The following ATP10B variants were observed in gnomAD, a reference collection of about 807,000 sequenced individuals.
ATP10B encodes phospholipid-transporting ATPase VB.
A neutral mutation model predicts 141.2 loss-of-function variants in ATP10B; 122 were observed. The ratio of observed to expected loss-of-function variants is 0.86; its 90% confidence interval spans 0.75 to 1.00. ATP10B has a LOEUF of 1.00. Ranked by LOEUF, ATP10B falls within the 50% of genes least tolerant of loss-of-function variation. The probability of loss-of-function intolerance (pLI) is 0.00; values close to 1 mark genes in which losing one functional copy is unlikely to be tolerated. For synonymous variants in ATP10B, 685 were observed against 692.0 expected, an observed-to-expected ratio of 0.99 and a Z score of 0.16; for missense variants, 1,876 against 1,825.3, an observed-to-expected ratio of 1.03 and a Z score of -0.51.
chr5:160,804,158 G>C (rs764328036), intron 1 of ATP10B, among the ~76,000 whole-genome samples: 65 of 152,082 alleles, frequency 4.3e-4, no homozygotes, highest in Non-Finnish European at 8.1e-4. Flanking sequence ...CTTCTATAAG[G>C]GATGAGGGTT....
At chr5:160,737,644 A>G (rs1767213858) in intron 2 of ATP10B, among the ~76,000 whole-genome samples, 1 of 152,180 alleles carries the variant, frequency 6.6e-6, no homozygotes, top group African/African-American at 2.4e-5. Flanking sequence ...TCCTATTTAT[A>G]ATAGCCACAA....
At chr5:160,888,333 C>A in the ATP10B span, among the ~76,000 whole-genome samples, 3 of 152,138 alleles carry the variant, frequency 2.0e-5, no homozygotes, top group African/African-American at 7.2e-5. Flanking sequence ...CAGCAGAGGC[C>A]AAGAGAGAAG....
In ATP10B at chr5:160,563,441, C is replaced by T. The variant is rs1754364564; in HGVS notation, c.*2012G>A. ...AAAAAGAGCAGCATCAGAGTGTTGG[C>T]TATAGTTTGGAACTTAGGAACAGGA... On this transcript the variant is annotated 3_prime_UTR_variant, in exon 26 of 26. Coordinates refer to ENST00000327245, the MANE Select transcript of ATP10B (RefSeq NM_025153.3). 6.6e-6 allele frequency: 1 copy of T among 152,156 alleles called. No individual in the cohort carries two copies. Among genetic ancestry groups the T allele is most frequent in the South Asian group, 2.1e-4 (1 of 4,826 alleles). The allele number at this position is 152,156 out of a possible 1,614,324, so 9.4% of individuals were successfully genotyped here.
chr5:160,700,707 A>G (rs1764619214), intron 3 of ATP10B, among the ~76,000 whole-genome samples: 1 of 152,138 alleles, frequency 6.6e-6, no homozygotes, highest in Non-Finnish European at 1.5e-5. Context: ...TATTAGATTA[A>G]TAATAACAGA....
the ATP10B span, among the ~76,000 whole-genome samples, chr5:160,895,591 A>G: frequency 6.6e-6 from 1 of 152,170 alleles, no homozygotes; most frequent in African/African-American, 2.4e-5. Context: ...CTCCCACACA[A>G]TAATAGTGGG....
the ATP10B span, among the ~76,000 whole-genome samples, chr5:160,910,002 G>A: frequency 6.6e-6 from 1 of 152,278 alleles, no homozygotes; most frequent in Non-Finnish European, 1.5e-5. Flanking sequence ...TAGTTCCTGA[G>A]TTTGTTAAAA....
At chr5:160,750,611 T>C (rs1768089564) in intron 2 of ATP10B, among the ~76,000 whole-genome samples, 1 of 152,214 alleles carries the variant, frequency 6.6e-6, no homozygotes, top group African/African-American at 2.4e-5. Flanking sequence ...ACCATCACTG[T>C]TTGGCTACAG....
intron 9 of ATP10B, 47 bp downstream of exon 9, chr5:160,644,091 G>A (rs747005697): frequency 6.7e-7 from 1 of 1,493,718 alleles, no homozygotes. Flanking sequence ...TTTGGAGGGG[G>A]AAGGATAAAG....
At chr5:160,591,169 C>T in intron 22 of ATP10B, 30 bp from the exon 23 acceptor site, 2 of 1,590,096 alleles carry the variant, frequency 1.3e-6, no homozygotes, top group Non-Finnish European at 1.7e-6. Context: ...CAATAATTAT[C>T]ACCCTTATAG....
At chr5:160,871,136 AAAG>A in the ATP10B span, among the ~76,000 whole-genome samples, 1 of 152,188 alleles carries the variant, frequency 6.6e-6, no homozygotes, top group Non-Finnish European at 1.5e-5. Flanking sequence ...GAAGAACATC[AAAG>A]AATAAGTAAA....
At chr5:160,922,846 G>A in the ATP10B span, among the ~76,000 whole-genome samples, 1 of 152,150 alleles carries the variant, frequency 6.6e-6, no homozygotes, top group Non-Finnish European at 1.5e-5. Flanking sequence ...GCCCCTCCAA[G>A]CCCTTGGTCC....
chr5:160,649,837 G>A (rs1007657002), intron 7 of ATP10B, among the ~76,000 whole-genome samples: 1 of 151,988 alleles, frequency 6.6e-6, no homozygotes, highest in Admixed American at 6.6e-5. Context: ...ATATCCATTA[G>A]CCAGGCATGG....
At chr5:160,763,869 G>C (rs770903228) in intron 2 of ATP10B, among the ~76,000 whole-genome samples, 42 of 152,168 alleles carry the variant, frequency 2.8e-4, no homozygotes, top group Admixed American at 5.2e-4. Flanking sequence ...AAACAAGATG[G>C]GGGACGTTAC....
chr5:160,570,503 C>T (rs1754807399), intron 24 of ATP10B, among the ~76,000 whole-genome samples: 1 of 152,148 alleles, frequency 6.6e-6, no homozygotes, highest in Non-Finnish European at 1.5e-5. Flanking sequence ...AACAAGCAAA[C>T]TTACTGCAGT....
chr5:160,852,906 T>TA (rs33971292), upstream of ATP10B, among the ~76,000 whole-genome samples: 110,963 of 151,694 alleles, frequency 0.73, 42,217 homozygotes, highest in East Asian at 0.97. Context: ...TTAAGGGTAG[T>TA]AAAAAAAAGA....
At chr5:160,671,188 A>C (rs1762680703) in intron 6 of ATP10B, among the ~76,000 whole-genome samples, 1 of 151,006 alleles carries the variant, frequency 6.6e-6, no homozygotes, top group South Asian at 2.1e-4. Context: ...AAAAAAAAAA[A>C]AAAACCCAAA....
intron 10 of ATP10B, among the ~76,000 whole-genome samples, chr5:160,637,092 C>CCATCCATCCACCCATCTACT (rs1403806202): frequency 8.3e-5 from 12 of 144,248 alleles, no homozygotes; most frequent in Non-Finnish European, 1.7e-4. Flanking sequence ...ATCCATTCAC[C>CCATCCATCCACCCATCTACT]CATCCATCCA....
intron 15 of ATP10B, among the ~76,000 whole-genome samples, chr5:160,620,122 A>T (rs1184265060): frequency 6.6e-6 from 1 of 152,228 alleles, no homozygotes; most frequent in African/African-American, 2.4e-5. Flanking sequence ...ACAAGACTGT[A>T]CAGTCTTTAA....
intron 1 of ATP10B, among the ~76,000 whole-genome samples, chr5:160,787,528 G>A (rs1350382068): frequency 6.6e-6 from 1 of 152,178 alleles, no homozygotes; most frequent in Non-Finnish European, 1.5e-5. Context: ...AAATAAAATG[G>A]CACTGCTGTG....
Sources: gnomAD v4.1 joint callset for allele counts (sites outside exome capture counted in the v4.1 genomes callset) on GRCh38, gnomAD v4.1.1 for gene constraint, MANE v1.5 for transcripts, NCBI Gene and HGNC (gene_info 2026-07-23, HGNC 2026-07-21) for gene names.